Variants in ARHGAP32 observed in about 807,000 individuals in gnomAD.
ARHGAP32 encodes Rho GTPase activating protein 32, also known as rho GTPase-activating protein 32.
Under a neutral mutation model 186.5 loss-of-function variants are expected in ARHGAP32, and 51 were observed. That is an observed-to-expected ratio of 0.27 (90% CI 0.22 to 0.35). The LOEUF is 0.35. Among genes scored for constraint, ARHGAP32 ranks in the 10% least tolerant of loss-of-function variants. The pLI, the probability that ARHGAP32 is intolerant of heterozygous loss-of-function variation, is 1.00. For synonymous variants in ARHGAP32, 950 were observed against 964.3 expected (o/e 0.99, Z 0.27); for missense variants, 2,186 against 2,623.5 (o/e 0.83, Z 3.64).
intron 1 of ARHGAP32, among the ~76,000 whole-genome samples, chr11:129,211,735 T>C (rs767122294): frequency 6.6e-6 from 1 of 152,226 alleles, no homozygotes; most frequent in Admixed American, 6.5e-5. Flanking sequence ...CCACAGTTGA[T>C]TGTGTTTAAT....
chr11:129,223,991 T>C (rs558773497), intron 1 of ARHGAP32, among the ~76,000 whole-genome samples: 7 of 152,334 alleles, frequency 4.6e-5, no homozygotes, highest in African/African-American at 1.4e-4. Flanking sequence ...AATTCACTTG[T>C]TGGCTTTCTT....
At chr11:129,214,339 AT>A (rs1944618180) in intron 1 of ARHGAP32, among the ~76,000 whole-genome samples, 1 of 152,246 alleles carries the variant, frequency 6.6e-6, no homozygotes, top group Non-Finnish European at 1.5e-5. Context: ...AGTAGGGGAA[AT>A]TGGATATGAG....
At chr11:129,178,774 C>A (rs1301634728) in intron 1 of ARHGAP32, among the ~76,000 whole-genome samples, 2 of 151,574 alleles carry the variant, frequency 1.3e-5, no homozygotes, top group East Asian at 3.9e-4. Flanking sequence ...CTTCCTTACA[C>A]CTGATACAAA....
chr11:129,047,793 T>C (rs146853148), intron 10 of ARHGAP32, among the ~76,000 whole-genome samples: 1 of 152,292 alleles, frequency 6.6e-6, no homozygotes, highest in East Asian at 1.9e-4. Flanking sequence ...CCCAGCACAG[T>C]TGATCAAATA....
chr11:129,008,112 A>C (rs1254726202), intron 11 of ARHGAP32, among the ~76,000 whole-genome samples: 1 of 152,136 alleles, frequency 6.6e-6, no homozygotes, highest in African/African-American at 2.4e-5. Context: ...AGGGGGTGGC[A>C]AAGGTGATTT....
chr11:129,036,990 G>A (rs1189248955), intron 11 of ARHGAP32, among the ~76,000 whole-genome samples: 3 of 152,082 alleles, frequency 2.0e-5, no homozygotes, highest in Non-Finnish European at 4.4e-5. Flanking sequence ...GAAACTATTA[G>A]AACTAATAAA....
intron 11 of ARHGAP32, among the ~76,000 whole-genome samples, chr11:129,010,634 C>A (rs777636841): frequency 5.3e-5 from 8 of 152,132 alleles, no homozygotes; most frequent in Non-Finnish European, 8.8e-5. Flanking sequence ...GTTCTCTATT[C>A]TGGGAAAACA....
intron 1 of ARHGAP32, among the ~76,000 whole-genome samples, chr11:129,273,254 T>C (rs373524472): frequency 9.7e-4 from 148 of 152,308 alleles, no homozygotes; most frequent in African/African-American, 3.5e-3. Context: ...CCTATCTATC[T>C]TCCACTGCTT....
chr11:129,259,216 C>T (rs1945292074), intron 1 of ARHGAP32, among the ~76,000 whole-genome samples: 1 of 152,064 alleles, frequency 6.6e-6, no homozygotes, highest in African/African-American at 2.4e-5. Context: ...AAACTAGAAC[C>T]AGCTTTTTCT....
At chr11:129,176,158 T>G (rs1287993613) in intron 1 of ARHGAP32, among the ~76,000 whole-genome samples, 2,953 of 93,022 alleles carry the variant, frequency 0.032, 1 homozygote, top group Middle Eastern at 0.039. Context: ...TAAAACAGAC[T>G]TTAAACCAAC....
chr11:129,170,844 T>A (rs1460853284), intron 1 of ARHGAP32, among the ~76,000 whole-genome samples: 1 of 152,228 alleles, frequency 6.6e-6, no homozygotes, highest in Non-Finnish European at 1.5e-5. Flanking sequence ...GTTTCCTGAC[T>A]TTTTAATAAT....
intron 1 of ARHGAP32, among the ~76,000 whole-genome samples, chr11:129,278,653 G>A (rs967962832): frequency 6.6e-6 from 1 of 152,030 alleles, no homozygotes; most frequent in African/African-American, 2.4e-5. Flanking sequence ...GACGAGGGGG[G>A]AACTCCACGG....
At chr11:129,024,103 G>A in intron 11 of ARHGAP32, 1 of 985,552 alleles carries the variant, frequency 1.0e-6, no homozygotes, top group African/African-American at 1.7e-5. Flanking sequence ...CCTGTTTTCA[G>A]TCCAGTCAGT....
chr11:129,247,043 T>C (rs914604844), intron 1 of ARHGAP32, among the ~76,000 whole-genome samples: 6 of 152,154 alleles, frequency 3.9e-5, no homozygotes, highest in African/African-American at 1.4e-4. Context: ...CGCTCTATAG[T>C]AAATACACTG....
intron 1 of ARHGAP32, among the ~76,000 whole-genome samples, chr11:129,182,518 T>A (rs2135535064): frequency 6.6e-6 from 1 of 152,240 alleles, no homozygotes; most frequent in Non-Finnish European, 1.5e-5. Context: ...TAGATGTTTT[T>A]TGTTTTATGT....
chr11:129,213,498 T>C (rs1472688217), intron 1 of ARHGAP32, among the ~76,000 whole-genome samples: 1 of 152,178 alleles, frequency 6.6e-6, no homozygotes, highest in Non-Finnish European at 1.5e-5. Context: ...GAGTCCAAGA[T>C]GTCATCACAG....
intron 11 of ARHGAP32, among the ~76,000 whole-genome samples, chr11:129,033,857 T>TG (rs1210392261): frequency 3.3e-5 from 5 of 152,188 alleles, no homozygotes; most frequent in Non-Finnish European, 7.4e-5. Flanking sequence ...TGCCCTCCAA[T>TG]GCCACCTTTG....
At chr11:129,185,171 T>G (rs1243911157) in intron 1 of ARHGAP32, among the ~76,000 whole-genome samples, 1 of 152,212 alleles carries the variant, frequency 6.6e-6, no homozygotes, top group Non-Finnish European at 1.5e-5. Flanking sequence ...ATTGTGGCAT[T>G]ATTCACAATA....
chr11:129,005,644 A>C (rs1192365728), intron 11 of ARHGAP32, among the ~76,000 whole-genome samples: 1 of 151,980 alleles, frequency 6.6e-6, no homozygotes, highest in Non-Finnish European at 1.5e-5. Flanking sequence ...GCTCCATTGT[A>C]TGTTCTTTTT....
Sources: allele counts gnomAD v4.1 joint callset (sites outside exome capture counted in the v4.1 genomes callset), GRCh38; gene constraint gnomAD v4.1.1; transcripts MANE v1.5; gene names NCBI Gene and HGNC (gene_info 2026-07-23, HGNC 2026-07-21).